The following ASTN1 variants were observed in gnomAD, a reference collection of about 807,000 sequenced individuals.
ASTN1 encodes the protein astrotactin-1.
Under a neutral mutation model 140.7 loss-of-function variants are expected in ASTN1, and 41 were observed. That is an observed-to-expected ratio of 0.29 (90% CI 0.23 to 0.38). ASTN1 has a LOEUF of 0.38. Among genes scored for constraint, ASTN1 ranks in the 10% least tolerant of loss-of-function variants. ASTN1 has a pLI of 1.00. For missense variants in ASTN1, 1,479 were observed against 1,678.8 expected (o/e 0.88, Z 2.08); for synonymous variants, 640 against 652.2 (o/e 0.98, Z 0.29).
At chr1:177,027,931 C>A (rs1211029897) in intron 5 of ASTN1, among the ~76,000 whole-genome samples, 1 of 151,804 alleles carries the variant, frequency 6.6e-6, no homozygotes, top group East Asian at 1.9e-4. Flanking sequence ...ATGTTTCTAC[C>A]ACCTATCACA....
intron 1 of ASTN1, among the ~76,000 whole-genome samples, chr1:177,099,169 AGTATTAT>A (rs1308350992): frequency 6.6e-6 from 1 of 152,172 alleles, no homozygotes; most frequent in Non-Finnish European, 1.5e-5. Flanking sequence ...TTAAGGACAA[AGTATTAT>A]GTTGAAGAAA....
intron 8 of ASTN1, among the ~76,000 whole-genome samples, chr1:176,966,709 T>C (rs535698935): frequency 1.3e-5 from 2 of 151,928 alleles, no homozygotes; most frequent in South Asian, 2.1e-4. Context: ...TATTATATTA[T>C]ATATTATATT....
At chr1:176,860,130 G>A (rs1399635173), downstream of ASTN1, among the ~76,000 whole-genome samples, 2 of 152,142 alleles carry the variant, frequency 1.3e-5, no homozygotes, top group Non-Finnish European at 2.9e-5. Context: ...GAGTTCCAGA[G>A]AAGCAGGCAG....
intron 11 of ASTN1, among the ~76,000 whole-genome samples, chr1:176,950,374 C>T (rs1322631480): frequency 1.3e-5 from 2 of 152,130 alleles, no homozygotes; most frequent in East Asian, 1.9e-4. Context: ...CTGTGGAGTC[C>T]GTAACTTAGC....
intron 2 of ASTN1, among the ~76,000 whole-genome samples, chr1:177,035,010 G>A (rs1358907208): frequency 6.6e-6 from 1 of 152,122 alleles, no homozygotes; most frequent in Admixed American, 6.5e-5. Flanking sequence ...GTTATGATGA[G>A]GTCTGAGGCA....
At chr1:176,938,581 C>T (rs545056575) in intron 14 of ASTN1, among the ~76,000 whole-genome samples, 11 of 152,302 alleles carry the variant, frequency 7.2e-5, no homozygotes, top group Admixed American at 6.5e-4. Flanking sequence ...ACCTAACTAT[C>T]CTCTCTGGCT....
intron 16 of ASTN1, among the ~76,000 whole-genome samples, chr1:176,928,128 T>C: frequency 6.6e-6 from 1 of 151,286 alleles, no homozygotes; most frequent in East Asian, 1.9e-4. Context: ...TAAATATATA[T>C]GTATTTATAA....
At chr1:176,877,185 A>G (rs1668602321) in intron 20 of ASTN1, among the ~76,000 whole-genome samples, 1 of 152,260 alleles carries the variant, frequency 6.6e-6, no homozygotes, top group African/African-American at 2.4e-5. Context: ...CTTGTAAGCC[A>G]CTGTGAGAAC....
intron 20 of ASTN1, among the ~76,000 whole-genome samples, chr1:176,882,364 C>A (rs969173503): frequency 6.6e-6 from 1 of 152,214 alleles, no homozygotes; most frequent in Non-Finnish European, 1.5e-5. Context: ...CTTTTACTCA[C>A]CGTCTGCCTC....
At chr1:176,883,482 C>A (rs1029820470) in intron 19 of ASTN1, among the ~76,000 whole-genome samples, 51 of 152,296 alleles carry the variant, frequency 3.3e-4, no homozygotes, top group Middle Eastern at 3.4e-3. Flanking sequence ...GCGTGAGGCA[C>A]AACGCCTGGC....
At chr1:177,113,340 G>A (rs900922222) in intron 1 of ASTN1, among the ~76,000 whole-genome samples, 1 of 152,174 alleles carries the variant, frequency 6.6e-6, no homozygotes, top group African/African-American at 2.4e-5. Context: ...AGCATATCCA[G>A]GTTGAGCAGC....
chr1:176,946,857 G>A (rs1203070114), intron 12 of ASTN1, among the ~76,000 whole-genome samples: 1 of 152,090 alleles, frequency 6.6e-6, no homozygotes, highest in East Asian at 1.9e-4. Context: ...GTCATTAATT[G>A]GACCTTATTT....
At chr1:177,029,945 C>A (rs1676340209) in intron 4 of ASTN1, among the ~76,000 whole-genome samples, 1 of 152,224 alleles carries the variant, frequency 6.6e-6, no homozygotes, top group Non-Finnish European at 1.5e-5. Flanking sequence ...CACTGGAGCT[C>A]TACCCTGCCC....
rs898150330 is a variant in ASTN1, at chr1:177,037,460, A to T, written c.472-4611T>A. 3.3e-5 allele frequency among the ~76,000 whole-genome samples: 5 copies of T among 152,378 alleles called. No individual in the cohort carries two copies. In the East Asian group the frequency reaches 9.6e-4, roughly 29 times the overall value. ...ACACACACAAGGCTTTACAGAGAGC[A>T]TACAGAAGTTCTTCACATGCACATG... On this transcript the variant is annotated intron_variant, in intron 2 of 22. Transcript: ENST00000361833.
intron 9 of ASTN1, among the ~76,000 whole-genome samples, chr1:176,958,788 G>A (rs1047965926): frequency 7.2e-5 from 11 of 152,168 alleles, no homozygotes; most frequent in African/African-American, 2.7e-4. Context: ...CCCCTGTCTT[G>A]AGTCAGATAT....
chr1:177,087,012 T>G lies in ASTN1; in HGVS notation c.284-25747A>C, dbSNP rs1359165935. ...TAGAAAACGGCATCTATTCTCAAAC[T>G]TTTTTTTTAGAATTTTTTCTAAAGA... On this transcript the variant is annotated intron_variant, in intron 1 of 22. Coordinates refer to ENST00000361833, the MANE Select transcript of ASTN1 (RefSeq NM_004319.3). Among the ~76,000 whole-genome samples the G allele has an allele frequency of 2.6e-5, 4 of 151,656 alleles. No homozygotes were observed. In the South Asian group the frequency reaches 6.3e-4, roughly 24 times the overall value.
chr1:177,035,341 C>A (rs1291305759), intron 2 of ASTN1, among the ~76,000 whole-genome samples: 1 of 152,142 alleles, frequency 6.6e-6, no homozygotes. Flanking sequence ...CATAAGAGGA[C>A]AGAATAGGAG....
rs1419054933 is a variant in ASTN1, at chr1:177,032,584, A to T, written c.737T>A (p.Ile246Asn). 40 of 1,614,026 alleles carry T rather than the reference A, an allele frequency of 2.5e-5. No homozygotes were observed. The highest frequency in any genetic ancestry group is 3.3e-5 in the Non-Finnish European group (39 of 1,180,030). Reference protein sequence around the residue: ...TPILDGYEYDITDLRHHLQRE... With the variant: ...TPILDGYEYDNTDLRHHLQRE... ...CTGCAGATGGTGGCGCAGATCAGTG[A>T]TGTCATACTCATAGCCGTCCAGGAT... The change falls in exon 3 of 23, where the codon ATC (isoleucine) becomes AAC (asparagine). Residue 246 changes from isoleucine to asparagine, a missense_variant. By Grantham distance (149) the Ile-to-Asn change is moderately radical (BLOSUM62 -3). Transcript: ENST00000361833.
intron 22 of ASTN1, among the ~76,000 whole-genome samples, chr1:176,866,810 C>T (rs1008670536): frequency 6.6e-6 from 1 of 152,170 alleles, no homozygotes; most frequent in African/African-American, 2.4e-5. Flanking sequence ...TTGTGGTGAA[C>T]TGAGGGAATC....
Sources: allele counts gnomAD v4.1 joint callset (sites outside exome capture counted in the v4.1 genomes callset), GRCh38; gene constraint gnomAD v4.1.1; transcripts MANE v1.5; gene names NCBI Gene and HGNC (gene_info 2026-07-23, HGNC 2026-07-21).